NFILZ: variants seen among roughly 807,000 people sequenced by gnomAD.
NFILZ encodes the protein NFIL3 like basic leucine zipper, also known as NFIL3 like protein.
At chr19:8,674,893 AG>A (rs2043104146) in intron 4 of NFILZ, among the ~76,000 whole-genome samples, 2 of 152,212 alleles carry the variant, frequency 1.3e-5, no homozygotes, top group African/African-American at 4.8e-5. Context: ...AATTTAGGAA[AG>A]TTACTACGGT....
chr19:8,647,748 A>AAC (rs138740763), intron 3 of NFILZ, among the ~76,000 whole-genome samples: 9,219 of 137,172 alleles, frequency 0.067, 378 homozygotes, highest in East Asian at 0.08. Flanking sequence ...GGAGGGGAAC[A>AAC]ACACACACAC....
chr19:8,647,988 C>T (rs1164975891), intron 3 of NFILZ, among the ~76,000 whole-genome samples: 20 of 151,344 alleles, frequency 1.3e-4, no homozygotes, highest in Middle Eastern at 3.4e-3. Context: ...CTGGCTAACA[C>T]GGTGAAACCC....
chr19:8,636,027 G>A (rs537712215), intron 3 of NFILZ, among the ~76,000 whole-genome samples: 18 of 151,926 alleles, frequency 1.2e-4, no homozygotes, highest in Non-Finnish European at 1.6e-4. Flanking sequence ...AGTAGAGAGG[G>A]GGTTTCACCG....
intron 3 of NFILZ, among the ~76,000 whole-genome samples, chr19:8,666,912 C>CTTT (rs35846585): frequency 3.9e-5 from 5 of 128,178 alleles, no homozygotes; most frequent in African/African-American, 6.2e-5. Flanking sequence ...TTTTTGAAAA[C>CTTT]TTTTTTTTTT....
At chr19:8,655,968 C>T (rs2042990279) in intron 3 of NFILZ, among the ~76,000 whole-genome samples, 1 of 151,926 alleles carries the variant, frequency 6.6e-6, no homozygotes, top group Admixed American at 6.6e-5. Context: ...TCTGCCTGTC[C>T]CTGTCTCTGC....
intron 3 of NFILZ, among the ~76,000 whole-genome samples, chr19:8,637,912 C>CAAAAAGA (rs575984507): frequency 2.0e-4 from 4 of 20,274 alleles, no homozygotes; most frequent in Non-Finnish European, 3.5e-4. Context: ...AAGATGGTCT[C>CAAAAAGA]AAAAAAAAAA....
Position 8,678,066 on chromosome 19 carries a change from ATCCATCCATCAATCCATCCATCCAT to A in NFILZ, c.*442_*466del, listed in dbSNP as rs2043121762. ...CATCCATCCATCCACCCATCTATTC[ATCCATCCATCAATCCATCCATCCAT>A]TCCATCCATCCATCCATCCATCCAT... On this transcript the variant is annotated 3_prime_UTR_variant, in exon 6 of 6. Transcript: ENST00000691075. Among the ~76,000 whole-genome samples, 4 of 4,958 alleles carry A rather than the reference ATCCATCCATCAATCCATCCATCCAT, an allele frequency of 8.1e-4. No individual in the cohort carries two copies. Among genetic ancestry groups the A allele is most frequent in the African/African-American group, 1.2e-3 (2 of 1,626 alleles). 3.3% of individuals were successfully genotyped at this position (4,958 alleles called of 152,430 possible).
Position 8,678,155 on chromosome 19 carries a change from A to ACTTG in NFILZ, c.*520_*521insCTTG, listed in dbSNP as rs2043125926. Among the ~76,000 whole-genome samples, 13 of 8,856 alleles carry ACTTG rather than the reference A, an allele frequency of 1.5e-3. No homozygotes were observed. Among genetic ancestry groups the ACTTG allele is most frequent in the African/African-American group, 2.5e-3 (6 of 2,426 alleles). The allele number at this position is 8,856 out of a possible 152,430, so 5.8% of individuals were successfully genotyped here. ...CATCCATTCATCCACTTGTCCGTCC[A>ACTTG]TCCATCCATCCATCCATCCATCCAT... On this transcript the variant is annotated 3_prime_UTR_variant, in exon 6 of 6. Transcript: ENST00000691075.
At chr19:8,662,589 C>T (rs2043036808) in intron 3 of NFILZ, among the ~76,000 whole-genome samples, 1 of 150,914 alleles carries the variant, frequency 6.6e-6, no homozygotes, top group Middle Eastern at 3.2e-3. Flanking sequence ...GGAGAAGAGT[C>T]CAAGAGAGGT....
At chr19:8,664,516 C>A (rs891492220) in intron 3 of NFILZ, among the ~76,000 whole-genome samples, 36 of 152,094 alleles carry the variant, frequency 2.4e-4, no homozygotes, top group African/African-American at 8.2e-4. Context: ...TCCCAGGGTG[C>A]CTTGCATTTT....
chr19:8,674,223 A>G (rs1022062411), intron 3 of NFILZ, among the ~76,000 whole-genome samples: 3 of 152,178 alleles, frequency 2.0e-5, no homozygotes, highest in Admixed American at 2.0e-4. Flanking sequence ...GGTGTGGCGG[A>G]GCAGACTCAC....
At position 8,678,082 on chromosome 19, in the gene NFILZ, A is replaced by T. The variant is rs1165486375; in HGVS notation, c.*447A>T. On this transcript the variant is annotated 3_prime_UTR_variant, in exon 6 of 6. Transcript: ENST00000691075. ...CATCTATTCATCCATCCATCAATCC[A>T]TCCATCCATTCCATCCATCCATCCA... 4.9e-3 allele frequency among the ~76,000 whole-genome samples: 22 copies of T among 4,478 alleles called. No individual in the cohort carries two copies. Among genetic ancestry groups the T allele is most frequent in the Admixed American group, 0.01 (5 of 484 alleles). 2.9% of individuals were successfully genotyped at this position (4,478 alleles called of 152,430 possible). A position where few individuals can be genotyped will look rare whatever the true frequency, so the allele number is the denominator to read the frequency against.
intron 3 of NFILZ, among the ~76,000 whole-genome samples, chr19:8,667,424 T>C (rs2043067228): frequency 6.6e-6 from 1 of 152,214 alleles, no homozygotes. Context: ...TCCCTTGATA[T>C]CTGGGGGGGA....
chr19:8,631,840 G>A (rs953021630), intron 1 of NFILZ, among the ~76,000 whole-genome samples: 4 of 145,150 alleles, frequency 2.8e-5, no homozygotes, highest in African/African-American at 8.5e-5. Flanking sequence ...TTGTGTGTGT[G>A]TGTGTGTGTG....
chr19:8,656,292 C>G (rs2042994529), intron 3 of NFILZ, among the ~76,000 whole-genome samples: 1 of 150,250 alleles, frequency 6.7e-6, no homozygotes, highest in African/African-American at 2.4e-5. Context: ...CTCCCCACAG[C>G]CCACCTCCTC....
intron 3 of NFILZ, among the ~76,000 whole-genome samples, chr19:8,663,736 G>GTATGTGTGTGTGTGTGTGTGTGTGTGTA (rs782229587): frequency 7.4e-6 from 1 of 136,036 alleles, no homozygotes; most frequent in African/African-American, 2.7e-5. Context: ...GTGTGTGTGT[G>GTATGTGTGTGTGTGTGTGTGTGTGTGTA]TGTGTGTGTG....
At chr19:8,635,859 C>T (rs1223886005) in intron 3 of NFILZ, 113 bp downstream of exon 3, 2 of 151,898 alleles carry the variant, frequency 1.3e-5, no homozygotes, top group Non-Finnish European at 2.9e-5. Flanking sequence ...ATTTATTAGA[C>T]AGGGTCTTGC....
intron 3 of NFILZ, among the ~76,000 whole-genome samples, chr19:8,660,391 A>G (rs2043023999): frequency 6.6e-6 from 1 of 151,814 alleles, no homozygotes; most frequent in African/African-American, 2.4e-5. Context: ...CTGGTGTTCT[A>G]GCGGCAGAGA....
rs533467039 is a variant in NFILZ, at chr19:8,644,676, G to A, written c.-164+8930G>A. On this transcript the variant is annotated intron_variant, in intron 3 of 5. Transcript: ENST00000691075. ...GATGGGGGTCTTACCGTGTTGCCCAGGCTGGTCTTGAACTCCTGGGCTCAA... is the reference window on the plus strand; with the variant it reads ...GATGGGGGTCTTACCGTGTTGCCCAAGCTGGTCTTGAACTCCTGGGCTCAA... 3.9e-5 allele frequency among the ~76,000 whole-genome samples: 6 copies of A among 152,124 alleles called. No homozygotes were observed. The South Asian group carries it at 1.2e-3, about 32-fold the overall frequency.
Sources: allele counts gnomAD v4.1 joint callset (sites outside exome capture counted in the v4.1 genomes callset), GRCh38; gene constraint gnomAD v4.1.1; transcripts MANE v1.5; gene names NCBI Gene and HGNC (gene_info 2026-07-23, HGNC 2026-07-21).